Variants in PCDHGB2 observed in about 807,000 individuals in gnomAD.
The protein encoded by PCDHGB2 is protocadherin gamma-B2.
In PCDHGB2, 55 loss-of-function variants were observed where a neutral mutation model predicts 59.3. The observed-to-expected ratio is 0.93, with a 90% CI of 0.75 to 1.16. PCDHGB2 has a LOEUF of 1.16. Ranked by LOEUF, PCDHGB2 falls within the 50% of genes most tolerant of loss-of-function variation. PCDHGB2 has a pLI of 0.00. For synonymous variants in PCDHGB2, 516 were observed against 512.0 expected, an observed-to-expected ratio of 1.01 and a Z score of -0.11; for missense variants, 1,228 against 1,198.5, an observed-to-expected ratio of 1.02 and a Z score of -0.36.
rs559544645 is a variant in PCDHGB2, at chr5:141,405,144, G to C, written c.2421+42588G>C. ...CATCTGCTGCGGGCTACCAGTGATGGGTTGGCTGGTGTGCCCACCTCACAC... is the reference window on the plus strand; with the variant it reads ...CATCTGCTGCGGGCTACCAGTGATGCGTTGGCTGGTGTGCCCACCTCACAC... On this transcript the variant is annotated intron_variant, in intron 1 of 3. Coordinates refer to ENST00000522605, the MANE Select transcript of PCDHGB2 (RefSeq NM_018923.3). 1.1e-4 allele frequency: 184 copies of C among 1,614,070 alleles called. 1 individual carries two copies. The South Asian group carries it at 1.9e-3, about 17-fold the overall frequency.
intron 1 of PCDHGB2, chr5:141,370,805 C>T: frequency 6.2e-7 from 1 of 1,614,026 alleles, no homozygotes; most frequent in Non-Finnish European, 8.5e-7. Flanking sequence ...GCCAAAATAT[C>T]ACTGAGCTGG....
At chr5:141,502,024 C>G (rs2099812413) in intron 2 of PCDHGB2, among the ~76,000 whole-genome samples, 1 of 152,152 alleles carries the variant, frequency 6.6e-6, no homozygotes, top group African/African-American at 2.4e-5. Context: ...TCCCTGCAAC[C>G]CCCGCCGCTT....
chr5:141,369,505 GA>G (rs1379316544), intron 1 of PCDHGB2, among the ~76,000 whole-genome samples: 2 of 150,654 alleles, frequency 1.3e-5, no homozygotes, highest in Non-Finnish European at 1.5e-5. Flanking sequence ...CACCTCTATA[GA>G]AAAAAAAAGT....
At chr5:141,415,083 G>T (rs747351388) in intron 1 of PCDHGB2, 1 of 1,613,514 alleles carries the variant, frequency 6.2e-7, no homozygotes. Context: ...CGCGAGCCCT[G>T]CTGGACAGAG....
chr5:141,362,595 T>C, intron 1 of PCDHGB2, 39 bp downstream of exon 1: 3 of 1,586,430 alleles, frequency 1.9e-6, no homozygotes, highest in Non-Finnish European at 2.6e-6. Flanking sequence ...CTGGTTTTAT[T>C]GTTTCACCTA....
rs370503146 is a variant in PCDHGB2 at position 141,511,012 on chromosome 5, G to A, written c.2635G>A (p.Gly879Arg). 11 of 1,614,060 alleles carry A rather than the reference G, an allele frequency of 6.8e-6. No individual in the cohort carries two copies. Among genetic ancestry groups the A allele is most frequent in the Middle Eastern group, 1.6e-4 (1 of 6,084 alleles). ...AGTMGLSARYGPQFTLQHVPD... is the reference protein window; with the variant it reads ...AGTMGLSARYRPQFTLQHVPD... The stretch of plus-strand genomic sequence containing the variant: ...CACCATGGGATTGAGCGCCCGCTAC[G>A]GACCCCAGTTCACCCTGCAGCACGT... The change falls in exon 4 of 4, where the codon GGA (glycine) becomes AGA (arginine). Residue 879 changes from glycine (G) to arginine (R), a missense_variant. Transcript: ENST00000522605.
chr5:141,417,824 G>A (rs2096165363), intron 1 of PCDHGB2: 4 of 1,518,120 alleles, frequency 2.6e-6, no homozygotes, highest in Non-Finnish European at 3.5e-6. Context: ...TTCTCCAACT[G>A]GAAAAGCGGG....
Position 141,413,166 on chromosome 5 carries a change from C to T in PCDHGB2, c.2421+50610C>T, listed in dbSNP as rs758193163. ...GTGAGGACTTTGCAGAATTCTGTAA[C>T]CAGACTACAATGGCCGCTCAAAGGA... On this transcript the variant is annotated intron_variant, in intron 1 of 3. Transcript: ENST00000522605. 5 of 1,590,278 alleles carry T rather than the reference C, an allele frequency of 3.1e-6. No individual in the cohort carries two copies. The East Asian group carries it at 1.1e-4, about 36-fold the overall frequency.
intron 1 of PCDHGB2, chr5:141,400,524 GGTGA>G (rs1307110266): frequency 1.2e-6 from 2 of 1,613,920 alleles, no homozygotes; most frequent in Admixed American, 3.3e-5. Context: ...ATCCTGAGTT[GGTGA>G]GTTTCATTTA....
At chr5:141,388,390 A>C (rs202036029) in intron 1 of PCDHGB2, 182 of 1,613,912 alleles carry the variant, frequency 1.1e-4, no homozygotes, top group Non-Finnish European at 1.4e-4. Context: ...ACACTGCAGA[A>C]TTACCAACTC....
rs146719320 is a variant in PCDHGB2, at chr5:141,444,557, A to T, written c.2422-50250A>T. ...TGTGTCTAGTGAGCAAAAGGCACTTATTTGACACTTTTGACTCTTCCTTTC... is the reference window on the plus strand; with the variant it reads ...TGTGTCTAGTGAGCAAAAGGCACTTTTTTGACACTTTTGACTCTTCCTTTC... On this transcript the variant is annotated intron_variant, in intron 1 of 3. Transcript: ENST00000522605. Among the ~76,000 whole-genome samples, 1,352 of 152,248 alleles carry T rather than the reference A, an allele frequency of 8.9e-3. 18 individuals carry two copies. The highest frequency in any genetic ancestry group is 0.031 in the African/African-American group (1,277 of 41,558).
chr5:141,431,973 TC>T lies in PCDHGB2; in HGVS notation c.2422-62833del, dbSNP rs770294598. 13 of 1,614,100 alleles carry T rather than the reference TC, an allele frequency of 8.1e-6. No individual in the cohort carries two copies. The highest frequency in any genetic ancestry group is 1.0e-5 in the Non-Finnish European group (12 of 1,180,038). On this transcript the variant is annotated intron_variant, in intron 1 of 3. Transcript: ENST00000522605. This position sits in a 1 kb window ranked among gnomAD's most constrained non-coding sequence, Gnocchi z 4.8. ...TCTTACGGAAATTACTATAGTTTAG[TC>T]ACAGACATAGTCTTGGATAGGGAAC...
In PCDHGB2 at chr5:141,413,486, C is replaced by T. The variant is rs756751796; in HGVS notation, c.2421+50930C>T. On this transcript the variant is annotated intron_variant, in intron 1 of 3. Transcript: ENST00000522605. Reference sequence around the variant, plus strand: ...CGGGAGGAGCTCTGCGCTCAGAGCGCGCGGTGCGTGGTGAGTTTTAATATC... The same window carrying T: ...CGGGAGGAGCTCTGCGCTCAGAGCGTGCGGTGCGTGGTGAGTTTTAATATC... 5.0e-6 allele frequency: 8 copies of T among 1,613,914 alleles called. No homozygotes were observed. The African/African-American group carries it at 9.3e-5, about 19-fold the overall frequency.
chr5:141,476,864 C>T lies in PCDHGB2; in HGVS notation c.2422-17943C>T, dbSNP rs1318457627. ...GCCTGTCTTCAACCAGTCCTTGTAC[C>T]GGGCGCGCGTCCTGGAGGATGCACC... is the stretch of plus-strand genomic sequence containing the variant. On this transcript the variant is annotated intron_variant, in intron 1 of 3. Coordinates refer to ENST00000522605, the MANE Select transcript of PCDHGB2 (RefSeq NM_018923.3). This position sits in a 1 kb window ranked among gnomAD's most constrained non-coding sequence, Gnocchi z 7.6. 4.3e-6 allele frequency: 7 copies of T among 1,613,838 alleles called. No homozygotes were observed. Among genetic ancestry groups the T allele is most frequent in the Non-Finnish European group, 5.9e-6 (7 of 1,180,044 alleles).
At chr5:141,430,950 T>C (rs756423770) in intron 1 of PCDHGB2, 5 of 1,609,980 alleles carry the variant, frequency 3.1e-6, no homozygotes, top group East Asian at 2.2e-5. Flanking sequence ...GAGCGCGGAG[T>C]CCGCATCATC....
intron 1 of PCDHGB2, among the ~76,000 whole-genome samples, chr5:141,463,725 C>A (rs1259646105): frequency 6.6e-6 from 1 of 152,026 alleles, no homozygotes. Flanking sequence ...GGATTACAGG[C>A]ATGAGCCACC....
At position 141,487,915 on chromosome 5, in the gene PCDHGB2, G is replaced by T; in HGVS notation, c.2422-6892G>T. The T allele has an allele frequency of 1.5e-6, 1 of 655,128 alleles. No homozygotes were observed. Among genetic ancestry groups the T allele is most frequent in the Middle Eastern group, 3.5e-4 (1 of 2,862 alleles). The allele number at this position is 655,128 out of a possible 1,614,324, so 40.6% of individuals were successfully genotyped here. ...GATGATGGAATGTGGGAGCACAGGA[G>T]GCTACAGTGCACAGGGTACAGTGCA... On this transcript the variant is annotated intron_variant, in intron 1 of 3. Coordinates refer to ENST00000522605, the MANE Select transcript of PCDHGB2 (RefSeq NM_018923.3). This position sits in a 1 kb window ranked among gnomAD's most constrained non-coding sequence, Gnocchi z 5.0.
At chr5:141,397,887 G>C in intron 1 of PCDHGB2, 1 of 617,602 alleles carries the variant, frequency 1.6e-6, no homozygotes, top group South Asian at 2.4e-5. Flanking sequence ...GCCGCTGTTG[G>C]CCAAAGTGCA....
chr5:141,421,433 C>A lies in PCDHGB2; in HGVS notation c.2421+58877C>A, dbSNP rs772564300. 5 of 1,614,074 alleles carry A rather than the reference C, an allele frequency of 3.1e-6. No homozygotes were observed. In the African/African-American group the frequency reaches 4.0e-5, roughly 13 times the overall value. On this transcript the variant is annotated intron_variant, in intron 1 of 3. Coordinates refer to ENST00000522605, the MANE Select transcript of PCDHGB2 (RefSeq NM_018923.3). ...GCGAAGCGCGGAGTCCGCATCGTCTCCAGAGGGAAGACACAGCTTTTCGCT... is the reference window on the plus strand; with the variant it reads ...GCGAAGCGCGGAGTCCGCATCGTCTACAGAGGGAAGACACAGCTTTTCGCT...
Sources: allele counts gnomAD v4.1 joint callset (sites outside exome capture counted in the v4.1 genomes callset), GRCh38; gene constraint gnomAD v4.1.1; non-coding constraint Gnocchi (gnomAD v3.1); transcripts MANE v1.5; gene names NCBI Gene and HGNC (gene_info 2026-07-23, HGNC 2026-07-21).